SPRED2: variants seen among roughly 807,000 people sequenced by gnomAD.
The protein encoded by SPRED2 is sprouty related EVH1 domain containing 2.
In SPRED2, 47 loss-of-function variants were observed where a neutral mutation model predicts 43.0. The ratio of observed to expected loss-of-function variants is 1.09; its 90% CI spans 0.87 to 1.40. The LOEUF is 1.40. Among genes scored for constraint, SPRED2 ranks in the 40% most tolerant of loss-of-function variants. The probability of loss-of-function intolerance (pLI) is 0.00; values close to 1 mark genes in which losing one functional copy is unlikely to be tolerated. For missense variants in SPRED2, 561 were observed against 586.4 expected, an observed-to-expected ratio of 0.96 and a Z score of 0.45; for synonymous variants, 225 against 225.7, an observed-to-expected ratio of 1.00 and a Z score of 0.03.
intron 1 of SPRED2, among the ~76,000 whole-genome samples, chr2:65,403,535 G>A (rs1675954022): frequency 6.6e-6 from 1 of 152,162 alleles, no homozygotes; most frequent in African/African-American, 2.4e-5. Context: ...CTAAAATGCT[G>A]GGATTACATG....
rs1311564082 is a variant in SPRED2, at chr2:65,312,504, C to G, written c.*997G>C. 1.0e-6 allele frequency: 1 copy of G among 985,306 alleles called. No homozygotes were observed. The highest frequency in any genetic ancestry group is 1.2e-6 in the Non-Finnish European group (1 of 829,934). 61.0% of individuals were successfully genotyped at this position (985,306 alleles called of 1,614,324 possible). A position where few individuals can be genotyped will look rare whatever the true frequency, so the allele number is the denominator to read the frequency against. On this transcript the variant is annotated 3_prime_UTR_variant, in exon 6 of 6. Coordinates refer to ENST00000356388, the MANE Select transcript of SPRED2 (RefSeq NM_181784.3). Reference sequence around the variant, plus strand: ...TATTCACCATAACCTTAGTGTTTCTCAACTGGAACTTGTTCGTGGGAACAC... The same window carrying G: ...TATTCACCATAACCTTAGTGTTTCTGAACTGGAACTTGTTCGTGGGAACAC...
rs959695524 is a variant in SPRED2, at chr2:65,311,937, G to T, written c.*1564C>A. On this transcript the variant is annotated 3_prime_UTR_variant, in exon 6 of 6. Coordinates refer to ENST00000356388, the MANE Select transcript of SPRED2 (RefSeq NM_181784.3). ...GCAATAAAGAAGGAGTGGGGAAAGG[G>T]AGTGGGGAGCAGGCCATGTCTTCTG... 1.8e-5 allele frequency: 18 copies of T among 985,272 alleles called. No individual in the cohort carries two copies. In the African/African-American group the frequency reaches 2.8e-4, roughly 15 times the overall value. 61.0% of individuals were successfully genotyped at this position (985,272 alleles called of 1,614,324 possible).
chr2:65,314,734 T>C (rs1261353691), intron 5 of SPRED2, among the ~76,000 whole-genome samples: 1 of 152,202 alleles, frequency 6.6e-6, no homozygotes, highest in Admixed American at 6.5e-5. Context: ...GTAAGTCCTG[T>C]TTTACGAAAC....
chr2:65,412,072 G>A (rs1321865045), intron 1 of SPRED2, among the ~76,000 whole-genome samples: 1 of 151,014 alleles, frequency 6.6e-6, no homozygotes, highest in Non-Finnish European at 1.5e-5. Flanking sequence ...AGCTTGCAGT[G>A]AGCCGACATG....
intron 2 of SPRED2, among the ~76,000 whole-genome samples, chr2:65,341,608 T>G (rs986228440): frequency 6.6e-6 from 1 of 152,092 alleles, no homozygotes; most frequent in Admixed American, 6.5e-5. Flanking sequence ...AGCATTGAGT[T>G]TCCCCACTAC....
intron 1 of SPRED2, among the ~76,000 whole-genome samples, chr2:65,393,327 T>G: frequency 3.3e-4 from 1 of 3,000 alleles, no homozygotes; most frequent in South Asian, 0.011. Context: ...ATCATAAGGC[T>G]TTTTTTTTTT....
chr2:65,346,466 C>T (rs368784433), intron 1 of SPRED2, among the ~76,000 whole-genome samples: 3 of 152,106 alleles, frequency 2.0e-5, no homozygotes, highest in Non-Finnish European at 2.9e-5. Flanking sequence ...TAGAACTTTT[C>T]GTCATTCCAA....
chr2:65,428,910 AC>A (rs1255238170), intron 1 of SPRED2, among the ~76,000 whole-genome samples: 3 of 152,240 alleles, frequency 2.0e-5, no homozygotes, highest in Non-Finnish European at 4.4e-5. Flanking sequence ...AGGACGACTT[AC>A]AATAGTTTGC....
At chr2:65,326,513 C>T (rs1388868411) in intron 4 of SPRED2, among the ~76,000 whole-genome samples, 1 of 152,194 alleles carries the variant, frequency 6.6e-6, no homozygotes, top group Non-Finnish European at 1.5e-5. Flanking sequence ...TGTATTCTTT[C>T]ACAATCCCAG....
chr2:65,407,081 C>T (rs543046832), intron 1 of SPRED2, among the ~76,000 whole-genome samples: 1 of 152,186 alleles, frequency 6.6e-6, no homozygotes, highest in South Asian at 2.1e-4. Context: ...GCACCCACCA[C>T]CATGCCCGGC....
At chr2:65,377,887 A>G (rs1222644830) in intron 1 of SPRED2, 2 of 346,832 alleles carry the variant, frequency 5.8e-6, no homozygotes, top group African/African-American at 2.1e-5. Flanking sequence ...GAGCTGACTC[A>G]TACTCTCTTT....
chr2:65,365,859 G>A (rs1674955248), intron 1 of SPRED2, among the ~76,000 whole-genome samples: 1 of 152,130 alleles, frequency 6.6e-6, no homozygotes, highest in Non-Finnish European at 1.5e-5. Flanking sequence ...TTTAGTGGGT[G>A]AAGAAAGAGA....
At chr2:65,377,247 A>T (rs1262432631) in intron 1 of SPRED2, among the ~76,000 whole-genome samples, 1 of 152,238 alleles carries the variant, frequency 6.6e-6, no homozygotes, top group Non-Finnish European at 1.5e-5. Context: ...ACCATGATAC[A>T]AAGACAGAAG....
intron 1 of SPRED2, among the ~76,000 whole-genome samples, chr2:65,360,068 A>C (rs1674760260): frequency 7.9e-6 from 1 of 125,996 alleles, no homozygotes; most frequent in Admixed American, 9.2e-5. Flanking sequence ...CCATCTCAAA[A>C]AAAAAAAAAA....
rs922920281 is a variant in SPRED2 at position 65,313,413 on chromosome 2, G to A, written c.*88C>T. 5.9e-6 allele frequency: 9 copies of A among 1,513,860 alleles called. No homozygotes were observed. Among genetic ancestry groups the A allele is most frequent in the Non-Finnish European group, 7.9e-6 (9 of 1,136,850 alleles). 93.8% of individuals were successfully genotyped at this position (1,513,860 alleles called of 1,614,324 possible). A position where few individuals can be genotyped will look rare whatever the true frequency, so the allele number is the denominator to read the frequency against. ...CCGCTTGCCCTCCTCGCTCCTTGGA[G>A]TGGAAGGGAGCGGGGGAGAAGATGA... is the stretch of plus-strand genomic sequence containing the variant. On this transcript the variant is annotated 3_prime_UTR_variant, in exon 6 of 6. Transcript: ENST00000356388.
intron 1 of SPRED2, among the ~76,000 whole-genome samples, chr2:65,368,190 A>C: frequency 6.6e-6 from 1 of 152,218 alleles, no homozygotes. Flanking sequence ...CTCAGCAAAC[A>C]GCTGACTCTA....
chr2:65,388,030 T>G (rs1196526122), intron 1 of SPRED2, among the ~76,000 whole-genome samples: 1 of 152,142 alleles, frequency 6.6e-6, no homozygotes, highest in South Asian at 2.1e-4. Context: ...TGACCTCAAG[T>G]GATCTGCCTC....
intron 1 of SPRED2, among the ~76,000 whole-genome samples, chr2:65,363,005 GTTTTTTTTTT>G (rs113081105): frequency 1.2e-4 from 15 of 121,102 alleles, no homozygotes; most frequent in South Asian, 7.5e-4. Flanking sequence ...ATCATGTTTT[GTTTTTTTTTT>G]TTTTTTTTTT....
intron 1 of SPRED2, among the ~76,000 whole-genome samples, chr2:65,425,718 T>C (rs1676540883): frequency 6.6e-6 from 1 of 152,238 alleles, no homozygotes; most frequent in Non-Finnish European, 1.5e-5. Flanking sequence ...TCAAAGTCAC[T>C]AAGAGCCCTA....
Sources: allele counts gnomAD v4.1 joint callset (sites outside exome capture counted in the v4.1 genomes callset), GRCh38; gene constraint gnomAD v4.1.1; transcripts MANE v1.5; gene names NCBI Gene and HGNC (gene_info 2026-07-23, HGNC 2026-07-21).